CTIF: variants seen among roughly 807,000 people sequenced by gnomAD.
The protein encoded by CTIF is CBP80/20-dependent translation initiation factor.
In CTIF, 21 loss-of-function variants were observed where a neutral mutation model predicts 66.0. The observed-to-expected ratio is 0.32, with a 90% CI of 0.23 to 0.46. CTIF has a LOEUF of 0.46. Among genes scored for constraint, CTIF ranks in the 20% least tolerant of loss-of-function variants. The probability of loss-of-function intolerance (pLI) is 1.00; values close to 1 mark genes in which losing one functional copy is unlikely to be tolerated. For missense variants in CTIF, 739 were observed against 812.7 expected, an observed-to-expected ratio of 0.91 and a Z score of 1.10; for synonymous variants, 345 against 326.4, an observed-to-expected ratio of 1.06 and a Z score of -0.62.
At chr18:48,786,561 C>A (rs1911725057) in intron 9 of CTIF, among the ~76,000 whole-genome samples, 1 of 152,166 alleles carries the variant, frequency 6.6e-6, no homozygotes, top group Admixed American at 6.5e-5. Context: ...GTTCCTGGAA[C>A]ATAGAAAACA....
chr18:48,604,001 G>A (rs529257308), intron 1 of CTIF, among the ~76,000 whole-genome samples: 419 of 147,986 alleles, frequency 2.8e-3, no homozygotes, highest in African/African-American at 9.5e-3. Flanking sequence ...GGCACATGCC[G>A]CCATGCCTGG....
intron 6 of CTIF, among the ~76,000 whole-genome samples, chr18:48,676,615 C>T (rs768489247): frequency 3.9e-5 from 6 of 152,184 alleles, no homozygotes; most frequent in East Asian, 2.0e-4. Flanking sequence ...GGACGCCACC[C>T]GGTCAAGTGG....
chr18:48,579,361 G>C (rs1180852495), intron 1 of CTIF, among the ~76,000 whole-genome samples: 1 of 152,110 alleles, frequency 6.6e-6, no homozygotes, highest in Non-Finnish European at 1.5e-5. Context: ...GGCCAGGCTG[G>C]TCTCGCACTC....
At chr18:48,771,861 G>A (rs1191802426) in intron 9 of CTIF, among the ~76,000 whole-genome samples, 6 of 152,310 alleles carry the variant, frequency 3.9e-5, no homozygotes, top group African/African-American at 1.2e-4. Flanking sequence ...GCTCCAGATC[G>A]CAGCATCTCT....
intron 2 of CTIF, among the ~76,000 whole-genome samples, chr18:48,625,961 T>C (rs978878852): frequency 2.0e-5 from 3 of 152,088 alleles, no homozygotes; most frequent in Non-Finnish European, 4.4e-5. Context: ...TTGGGACATC[T>C]TGTCATTTTA....
chr18:48,573,624 G>A (rs1314347350), intron 1 of CTIF, among the ~76,000 whole-genome samples: 1 of 152,226 alleles, frequency 6.6e-6, no homozygotes, highest in Admixed American at 6.5e-5. Context: ...CTAATTAGAT[G>A]ATGGGGAGTT....
chr18:48,857,023 C>T (rs1327360287), intron 10 of CTIF, among the ~76,000 whole-genome samples: 1 of 152,208 alleles, frequency 6.6e-6, no homozygotes, highest in African/African-American at 2.4e-5. Context: ...AGCCATGGCC[C>T]TAGTTAGGAA....
At chr18:48,665,960 G>A (rs574242962) in intron 5 of CTIF, among the ~76,000 whole-genome samples, 2 of 152,184 alleles carry the variant, frequency 1.3e-5, no homozygotes, top group Non-Finnish European at 2.9e-5. Flanking sequence ...GTAATTACTT[G>A]GGTGTATACC....
chr18:48,588,221 C>T (rs1276319079), intron 1 of CTIF, among the ~76,000 whole-genome samples: 1 of 152,214 alleles, frequency 6.6e-6, no homozygotes, highest in Non-Finnish European at 1.5e-5. Flanking sequence ...ACCCCCCAGC[C>T]CACTCTCCCT....
intron 9 of CTIF, among the ~76,000 whole-genome samples, chr18:48,794,090 G>A (rs547188369): frequency 1.3e-5 from 2 of 152,232 alleles, no homozygotes; most frequent in South Asian, 2.1e-4. Context: ...CTGACTAGTA[G>A]CCCAAAGGGT....
chr18:48,653,613 TG>T (rs2091195973), intron 3 of CTIF, among the ~76,000 whole-genome samples: 1 of 152,168 alleles, frequency 6.6e-6, no homozygotes, highest in Non-Finnish European at 1.5e-5. Context: ...TTCACAGAAT[TG>T]GAAAAAACTA....
chr18:48,768,059 T>A (rs1242876424), intron 9 of CTIF, among the ~76,000 whole-genome samples: 1 of 152,082 alleles, frequency 6.6e-6, no homozygotes, highest in African/African-American at 2.4e-5. Context: ...CTTCTCCTTG[T>A]CCCATGTTTT....
chr18:48,683,525 C>T (rs1401022835), intron 6 of CTIF, among the ~76,000 whole-genome samples: 1 of 151,590 alleles, frequency 6.6e-6, no homozygotes, highest in Non-Finnish European at 1.5e-5. Context: ...CCCCCTTGCC[C>T]ACTTTTGGGG....
chr18:48,700,280 G>A (rs1227019325), intron 6 of CTIF, among the ~76,000 whole-genome samples: 1 of 152,176 alleles, frequency 6.6e-6, no homozygotes, highest in Non-Finnish European at 1.5e-5. Context: ...ATAATTGTGA[G>A]GCCTCCCCAG....
At chr18:48,743,861 C>A (rs1021469406) in intron 7 of CTIF, among the ~76,000 whole-genome samples, 9 of 152,076 alleles carry the variant, frequency 5.9e-5, no homozygotes, top group Non-Finnish European at 1.3e-4. Flanking sequence ...AAGAGTCAAG[C>A]AAGATTCAGC....
Position 48,624,649 on chromosome 18 carries a change from C to T in CTIF, c.180+4904C>T, listed in dbSNP as rs150130828. On this transcript the variant is annotated intron_variant, in intron 2 of 11. Transcript: ENST00000256413. ...GGGAGCTGTGAGAAATACTGATGTACAGGCCCCACTGCTAGAGATGCAGGC... is the reference window on the plus strand; with the variant it reads ...GGGAGCTGTGAGAAATACTGATGTATAGGCCCCACTGCTAGAGATGCAGGC... 3.9e-5 allele frequency among the ~76,000 whole-genome samples: 6 copies of T among 152,292 alleles called. No individual in the cohort carries two copies. The East Asian group carries it at 1.2e-3, about 29-fold the overall frequency.
chr18:48,745,153 C>T (rs1598966492), intron 7 of CTIF, among the ~76,000 whole-genome samples: 1 of 152,222 alleles, frequency 6.6e-6, no homozygotes, highest in Admixed American at 6.5e-5. Flanking sequence ...CTCTGTATTT[C>T]ATGACATTGG....
chr18:48,804,351 A>G (rs985819392), intron 9 of CTIF, among the ~76,000 whole-genome samples: 2 of 152,224 alleles, frequency 1.3e-5, no homozygotes, highest in African/African-American at 4.8e-5. Flanking sequence ...CATGCAGGTC[A>G]GATTCTGACT....
intron 1 of CTIF, among the ~76,000 whole-genome samples, chr18:48,543,476 G>T (rs537243127): frequency 6.6e-6 from 1 of 152,250 alleles, no homozygotes; most frequent in African/African-American, 2.4e-5. Flanking sequence ...CGCTGTGTGC[G>T]GTTTAATTTA....
Sources: gnomAD v4.1 joint callset for allele counts (sites outside exome capture counted in the v4.1 genomes callset) on GRCh38, gnomAD v4.1.1 for gene constraint, MANE v1.5 for transcripts, NCBI Gene and HGNC (gene_info 2026-07-23, HGNC 2026-07-21) for gene names.